PRKG1: variants seen among roughly 807,000 people sequenced by gnomAD.
The protein encoded by PRKG1 is protein kinase cGMP-dependent 1.
PRKG1 carries 35 observed loss-of-function variants against 88.1 expected under a neutral mutation model. The ratio of observed to expected loss-of-function variants is 0.40; its 90% CI spans 0.30 to 0.53. The LOEUF is 0.53. Ranked by LOEUF, PRKG1 falls within the 20% of genes least tolerant of loss-of-function variation. PRKG1 has a pLI of 0.59. For synonymous variants in PRKG1, 303 were observed against 292.5 expected, an observed-to-expected ratio of 1.04 and a Z score of -0.37; for missense variants, 540 against 839.8, an observed-to-expected ratio of 0.64 and a Z score of 4.41.
intron 3 of PRKG1, among the ~76,000 whole-genome samples, chr10:51,743,965 A>G (rs1837514022): frequency 6.6e-6 from 1 of 151,402 alleles, no homozygotes; most frequent in Non-Finnish European, 1.5e-5. Context: ...GGTTGTTTTA[A>G]TTAACTAATT....
At chr10:51,928,866 T>C (rs1040365821) in intron 5 of PRKG1, among the ~76,000 whole-genome samples, 3 of 152,164 alleles carry the variant, frequency 2.0e-5, no homozygotes, top group African/African-American at 7.2e-5. Flanking sequence ...TATATAGTAG[T>C]CTAAAACGTA....
At chr10:51,522,507 A>G (rs1288247685) in intron 3 of PRKG1, among the ~76,000 whole-genome samples, 1 of 152,182 alleles carries the variant, frequency 6.6e-6, no homozygotes, top group African/African-American at 2.4e-5. Context: ...TTCCAAGTAT[A>G]TATTAATAAT....
intron 10 of PRKG1, among the ~76,000 whole-genome samples, chr10:52,253,012 T>G (rs764796042): frequency 6.6e-6 from 1 of 152,004 alleles, no homozygotes; most frequent in Non-Finnish European, 1.5e-5. Flanking sequence ...CTGCTTTGAT[T>G]TGGAGGTGTT....
At chr10:52,244,938 A>AAT (rs1840985008) in intron 9 of PRKG1, among the ~76,000 whole-genome samples, 1 of 144,224 alleles carries the variant, frequency 6.9e-6, no homozygotes, top group Admixed American at 7.0e-5. Flanking sequence ...ATATACTTTA[A>AAT]ATATATATTT....
chr10:52,166,819 G>GTATATATATATA (rs370403466), intron 9 of PRKG1, among the ~76,000 whole-genome samples: 9 of 55,300 alleles, frequency 1.6e-4, no homozygotes, highest in Non-Finnish European at 2.5e-4. Context: ...GTATATATAT[G>GTATATATATATA]TATATATATG....
chr10:51,288,812 C>T (rs982220317), intron 2 of PRKG1, among the ~76,000 whole-genome samples: 6 of 152,096 alleles, frequency 3.9e-5, no homozygotes, highest in African/African-American at 7.2e-5. Flanking sequence ...TTATTCTGTA[C>T]ATCTTGTATG....
At chr10:51,824,121 G>C (rs1189733503) in intron 4 of PRKG1, among the ~76,000 whole-genome samples, 2 of 151,906 alleles carry the variant, frequency 1.3e-5, no homozygotes, top group Admixed American at 1.3e-4. Context: ...TGATTCTCCC[G>C]CTTTGGCCTC....
chr10:51,060,026 C>T (rs1843676395), intron 1 of PRKG1, among the ~76,000 whole-genome samples: 1 of 152,018 alleles, frequency 6.6e-6, no homozygotes, highest in Admixed American at 6.5e-5. Context: ...ATTATAATTA[C>T]TTTCAGATAA....
intron 3 of PRKG1, among the ~76,000 whole-genome samples, chr10:51,780,439 A>G (rs184552306): frequency 1.9e-3 from 293 of 152,288 alleles, no homozygotes; most frequent in Non-Finnish European, 3.2e-3. Flanking sequence ...TTCTGTCTTC[A>G]GTATTTTATC....
intron 3 of PRKG1, among the ~76,000 whole-genome samples, chr10:51,647,223 C>A: frequency 6.6e-6 from 1 of 151,596 alleles, no homozygotes; most frequent in East Asian, 1.9e-4. Flanking sequence ...GGAAGGTTTT[C>A]TGATCCAACA....
intron 4 of PRKG1, among the ~76,000 whole-genome samples, chr10:51,816,390 C>T (rs1937721): frequency 0.22 from 33,087 of 151,972 alleles, 5,854 homozygotes; most frequent in African/African-American, 0.49. Context: ...AGAACAAATA[C>T]TTGTAAACTT....
At chr10:51,163,852 T>C (rs950793880) in intron 2 of PRKG1, among the ~76,000 whole-genome samples, 4 of 152,144 alleles carry the variant, frequency 2.6e-5, no homozygotes, top group Admixed American at 6.5e-5. Flanking sequence ...GAGGGGCGCC[T>C]GCCATTGCCC....
intron 3 of PRKG1, among the ~76,000 whole-genome samples, chr10:51,732,435 A>AACT (rs1260994685): frequency 6.6e-6 from 1 of 152,168 alleles, no homozygotes; most frequent in African/African-American, 2.4e-5. Flanking sequence ...GAATCCTTAG[A>AACT]AGCACTTACA....
intron 2 of PRKG1, among the ~76,000 whole-genome samples, chr10:51,323,999 G>A (rs2132513863): frequency 6.6e-6 from 1 of 152,218 alleles, no homozygotes; most frequent in Middle Eastern, 3.4e-3. Context: ...ACATATCTTT[G>A]GGATGCATGT....
chr10:52,199,470 G>A (rs555734661), intron 9 of PRKG1, among the ~76,000 whole-genome samples: 3 of 152,124 alleles, frequency 2.0e-5, no homozygotes, highest in Non-Finnish European at 4.4e-5. Context: ...ACCACTCTCA[G>A]CATTACCCAT....
At chr10:51,048,314 C>T (rs188875543) in intron 1 of PRKG1, among the ~76,000 whole-genome samples, 151 of 152,070 alleles carry the variant, frequency 9.9e-4, no homozygotes, top group African/African-American at 3.5e-3. Flanking sequence ...CTCTCTCCCC[C>T]TTTCTCCCTC....
intron 5 of PRKG1, among the ~76,000 whole-genome samples, chr10:51,955,988 A>G (rs1843293499): frequency 6.6e-6 from 1 of 152,096 alleles, no homozygotes; most frequent in African/African-American, 2.4e-5. Context: ...TTTTGTGTTT[A>G]AGGGGAAAAA....
intron 3 of PRKG1, among the ~76,000 whole-genome samples, chr10:51,779,414 G>T (rs1264881041): frequency 6.6e-6 from 1 of 152,090 alleles, no homozygotes; most frequent in Non-Finnish European, 1.5e-5. Context: ...AAATCCCAAT[G>T]TAAAGTCTCC....
intron 1 of PRKG1, among the ~76,000 whole-genome samples, chr10:50,998,323 A>G (rs1842855961): frequency 6.6e-6 from 1 of 152,006 alleles, no homozygotes; most frequent in Admixed American, 6.6e-5. Flanking sequence ...GCAAATATGG[A>G]GCAGATTTCT....
Sources: gnomAD v4.1 joint callset for allele counts (sites outside exome capture counted in the v4.1 genomes callset) on GRCh38, gnomAD v4.1.1 for gene constraint, MANE v1.5 for transcripts, NCBI Gene and HGNC (gene_info 2026-07-23, HGNC 2026-07-21) for gene names.